ITIH5: variants seen among roughly 807,000 people sequenced by gnomAD.
The protein encoded by ITIH5 is inter-alpha-trypsin inhibitor heavy chain 5.
A neutral mutation model predicts 77.5 loss-of-function variants in ITIH5; 65 were observed. That is an observed-to-expected ratio of 0.84 (90% confidence interval 0.69 to 1.03). The LOEUF (loss-of-function observed/expected upper bound fraction) is 1.03, where lower values mean the gene tolerates loss of function less well. ITIH5 is among the 50% of genes least tolerant of loss of function. The probability of loss-of-function intolerance (pLI) is 0.00; values close to 1 mark genes in which losing one functional copy is unlikely to be tolerated. For missense variants in ITIH5, 1,208 were observed against 1,213.1 expected, an observed-to-expected ratio of 1.00 and a Z score of 0.06; for synonymous variants, 525 against 494.3, an observed-to-expected ratio of 1.06 and a Z score of -0.82.
chr10:7,581,548 G>C (rs7094580), intron 8 of ITIH5, among the ~76,000 whole-genome samples: 67,806 of 151,630 alleles, frequency 0.45, 15,679 homozygotes, highest in East Asian at 0.73. Flanking sequence ...ACATGAGCAG[G>C]CTTCTGGAGT....
chr10:7,664,229 G>GT (rs1033242026), intron 1 of ITIH5, among the ~76,000 whole-genome samples: 2 of 151,934 alleles, frequency 1.3e-5, no homozygotes, highest in African/African-American at 4.8e-5. Context: ...ATGTATTTTT[G>GT]TCTCTATTAA....
At chr10:7,611,621 C>T (rs1254540321) in intron 7 of ITIH5, among the ~76,000 whole-genome samples, 3 of 152,054 alleles carry the variant, frequency 2.0e-5, no homozygotes, top group Admixed American at 2.0e-4. Flanking sequence ...CATCTTATTT[C>T]TTTCTAGTAG....
At chr10:7,569,843 G>T in intron 11 of ITIH5, 59 bp from the exon 12 acceptor site, 1 of 915,022 alleles carries the variant, frequency 1.1e-6, no homozygotes, top group Non-Finnish European at 1.7e-6. Flanking sequence ...TACCTTCCTT[G>T]TGTAGGTGCT....
chr10:7,596,324 A>G (rs1832895999), intron 7 of ITIH5, among the ~76,000 whole-genome samples: 1 of 152,206 alleles, frequency 6.6e-6, no homozygotes, highest in East Asian at 1.9e-4. Context: ...ATGACCAGTA[A>G]ACATTTCCCA....
intron 5 of ITIH5, among the ~76,000 whole-genome samples, chr10:7,632,352 C>T (rs888776537): frequency 2.6e-5 from 4 of 152,216 alleles, no homozygotes; most frequent in Admixed American, 6.5e-5. Context: ...GTGGTAGCAG[C>T]GTTCTAAAAT....
intron 7 of ITIH5, among the ~76,000 whole-genome samples, chr10:7,609,695 C>G (rs1833202469): frequency 3.3e-5 from 5 of 152,154 alleles, no homozygotes; most frequent in Admixed American, 3.3e-4. Context: ...GAAAGGAAGA[C>G]AAGCTTCAAA....
chr10:7,666,653 G>T (rs1834366018), intron 1 of ITIH5, 150 bp downstream of exon 1: 2 of 586,044 alleles, frequency 3.4e-6, no homozygotes, highest in South Asian at 2.2e-5. Context: ...CAGAGGTGAC[G>T]CACGAGTGAC....
intron 4 of ITIH5, 59 bp from the exon 5 acceptor site, chr10:7,637,537 C>A: frequency 6.4e-7 from 1 of 1,557,852 alleles, no homozygotes. Context: ...AGCCAGGTTC[C>A]CTCAGTCCCC....
intron 11 of ITIH5, chr10:7,571,460 A>T (rs1364226717): frequency 1.3e-5 from 2 of 152,184 alleles, no homozygotes; most frequent in Non-Finnish European, 2.9e-5. Flanking sequence ...TCTGTCACCC[A>T]GGCTGGAGTG....
intron 7 of ITIH5, among the ~76,000 whole-genome samples, chr10:7,603,907 T>A (rs566189866): frequency 7.2e-5 from 11 of 152,298 alleles, no homozygotes; most frequent in African/African-American, 2.6e-4. Flanking sequence ...TTGAAGTGTG[T>A]GGCATGACTG....
rs1020294528 is a variant in ITIH5 at position 7,617,094 on chromosome 10, G to C, written c.822+19C>G. 1.3e-5 allele frequency: 20 copies of C among 1,489,066 alleles called. No homozygotes were observed. The highest frequency in any genetic ancestry group is 1.7e-5 in the Non-Finnish European group (19 of 1,120,078). 92.2% of individuals were successfully genotyped at this position (1,489,066 alleles called of 1,614,324 possible). A position where few individuals can be genotyped will look rare whatever the true frequency, so the allele number is the denominator to read the frequency against. Reference sequence around the variant, plus strand: ...AGTACCAACCAACCAACATGAAATAGCAACGACGATCCTATTACCTGGATG... The same window carrying C: ...AGTACCAACCAACCAACATGAAATACCAACGACGATCCTATTACCTGGATG... On this transcript the variant is annotated intron_variant, in intron 6 of 13. Transcript: ENST00000397146.
intron 13 of ITIH5, among the ~76,000 whole-genome samples, chr10:7,565,070 G>GTATA (rs138314369): frequency 0.16 from 22,245 of 135,412 alleles, 2,219 homozygotes; most frequent in East Asian, 0.38. Context: ...CACATAGACT[G>GTATA]TATATATATA....
chr10:7,640,508 C>T (rs1333020777), intron 4 of ITIH5, among the ~76,000 whole-genome samples: 1 of 149,390 alleles, frequency 6.7e-6, no homozygotes, highest in African/African-American at 2.5e-5. Flanking sequence ...CTGCAAACTA[C>T]ATATAGAAAT....
At chr10:7,627,944 C>T (rs1369397280) in intron 5 of ITIH5, among the ~76,000 whole-genome samples, 7 of 142,578 alleles carry the variant, frequency 4.9e-5, no homozygotes, top group South Asian at 2.2e-4. Context: ...CACATTCAAG[C>T]GATTCTCCTG....
chr10:7,625,151 T>A (rs923742413), intron 5 of ITIH5, among the ~76,000 whole-genome samples: 25 of 151,098 alleles, frequency 1.7e-4, no homozygotes, highest in African/African-American at 6.1e-4. Context: ...AGACACACAG[T>A]GCAATATAAT....
At chr10:7,613,989 C>T (rs7080791) in intron 7 of ITIH5, among the ~76,000 whole-genome samples, 54,408 of 152,072 alleles carry the variant, frequency 0.36, 10,864 homozygotes, top group African/African-American at 0.52. Flanking sequence ...TCTAGAGGAA[C>T]AGACCATTAT....
At chr10:7,643,712 C>T (rs1833923717) in intron 2 of ITIH5, among the ~76,000 whole-genome samples, 1 of 152,170 alleles carries the variant, frequency 6.6e-6, no homozygotes, top group South Asian at 2.1e-4. Context: ...TATTTACAGC[C>T]CTAGGCCTGT....
intron 13 of ITIH5, 71 bp from the exon 14 acceptor site, chr10:7,563,455 G>T: frequency 7.3e-7 from 1 of 1,369,282 alleles, no homozygotes. Flanking sequence ...CAACTTCAGA[G>T]CTATCAGTGG....
intron 9 of ITIH5, among the ~76,000 whole-genome samples, chr10:7,579,091 CT>C (rs1229951030): frequency 3.9e-5 from 6 of 152,234 alleles, no homozygotes; most frequent in Non-Finnish European, 8.8e-5. Flanking sequence ...ACTATGAGAG[CT>C]CATTAAATAC....
Sources: allele counts gnomAD v4.1 joint callset (sites outside exome capture counted in the v4.1 genomes callset), GRCh38; gene constraint gnomAD v4.1.1; transcripts MANE v1.5; gene names NCBI Gene and HGNC (gene_info 2026-07-23, HGNC 2026-07-21).